COL4A3: variants seen among roughly 807,000 people sequenced by gnomAD.
COL4A3 encodes the protein collagen alpha-3(IV) chain.
A neutral mutation model predicts 217.4 loss-of-function variants in COL4A3; 135 were observed. That is an observed-to-expected ratio of 0.62 (90% CI 0.54 to 0.72). The LOEUF (loss-of-function observed/expected upper bound fraction) is 0.72, where lower values mean the gene tolerates loss of function less well. Among genes scored for constraint, COL4A3 ranks in the 30% least tolerant of loss-of-function variants. COL4A3 has a pLI of 0.00. For missense variants in COL4A3, 1,868 were observed against 2,119.9 expected (o/e 0.88, Z 2.33); for synonymous variants, 690 against 736.3 (o/e 0.94, Z 1.02).
intron 1 of COL4A3, among the ~76,000 whole-genome samples, chr2:227,195,733 G>A (rs1434122485): frequency 6.8e-6 from 1 of 146,684 alleles, no homozygotes; most frequent in South Asian, 2.2e-4. Context: ...CCTCAGGCAG[G>A]TCCTTCAGGA....
chr2:227,285,382 T>C (rs913824831), intron 34 of COL4A3, among the ~76,000 whole-genome samples: 1 of 149,790 alleles, frequency 6.7e-6, no homozygotes, highest in Non-Finnish European at 1.5e-5. Context: ...TCTATGTACA[T>C]AGTCCTCATC....
intron 1 of COL4A3, among the ~76,000 whole-genome samples, chr2:227,174,175 T>C (rs1220787355): frequency 6.6e-6 from 1 of 152,240 alleles, no homozygotes; most frequent in Non-Finnish European, 1.5e-5. Flanking sequence ...AGCATTGTAA[T>C]TTGACAAGCA....
Position 227,253,454 on chromosome 2 carries a change from C to T in COL4A3, c.688-107C>T. ...ATTGATGGGCCTTCATTTGTTCTAT[C>T]TTCCCGTATAAGCACTAAAGGGGAA... On this transcript the variant is annotated intron_variant, in intron 12 of 51. Coordinates refer to ENST00000396578, the MANE Select transcript of COL4A3 (RefSeq NM_000091.5). This position sits in a 1 kb window ranked among gnomAD's most constrained non-coding sequence, Gnocchi z 4.4. The T allele has an allele frequency of 7.1e-7, 1 of 1,411,548 alleles. No homozygotes were observed. The highest frequency in any genetic ancestry group is 1.2e-5 in the South Asian group (1 of 86,844). The allele number at this position is 1,411,548 out of a possible 1,614,324, so 87.4% of individuals were successfully genotyped here.
chr2:227,261,469 C>A (rs2070563280), intron 20 of COL4A3, among the ~76,000 whole-genome samples: 1 of 152,180 alleles, frequency 6.6e-6, no homozygotes, highest in Non-Finnish European at 1.5e-5. Context: ...GGAGGTTGCA[C>A]TGAGCTGAGA....
chr2:227,280,689 C>A, intron 30 of COL4A3, 99 bp downstream of exon 30: 1 of 1,369,276 alleles, frequency 7.3e-7, no homozygotes, highest in Non-Finnish European at 1.0e-6. Flanking sequence ...ATTCTCCCAT[C>A]CAATGTTCCT....
intron 1 of COL4A3, among the ~76,000 whole-genome samples, chr2:227,218,323 G>A (rs563418415): frequency 2.0e-5 from 3 of 151,936 alleles, no homozygotes; most frequent in Admixed American, 1.3e-4. Flanking sequence ...AAAATTAGCC[G>A]GGCGTGGTGG....
At chr2:227,274,230 C>T (rs1421970350) in intron 26 of COL4A3, among the ~76,000 whole-genome samples, 1 of 71,698 alleles carries the variant, frequency 1.4e-5, no homozygotes, top group East Asian at 2.9e-4. Flanking sequence ...GATTGAGATA[C>T]TGTCTCAAAA....
At chr2:227,184,524 T>C (rs1326700079) in intron 1 of COL4A3, among the ~76,000 whole-genome samples, 2 of 152,242 alleles carry the variant, frequency 1.3e-5, no homozygotes, top group East Asian at 1.9e-4. Context: ...TTATATTTTG[T>C]ACCAAGAAAG....
intron 28 of COL4A3, among the ~76,000 whole-genome samples, chr2:227,278,529 C>A (rs2071731611): frequency 6.6e-6 from 1 of 152,150 alleles, no homozygotes; most frequent in South Asian, 2.1e-4. Context: ...ATATTGATTT[C>A]AATTTATGAG....
intron 1 of COL4A3, among the ~76,000 whole-genome samples, chr2:227,214,587 T>G (rs1173234604): frequency 6.6e-6 from 1 of 152,266 alleles, no homozygotes; most frequent in Non-Finnish European, 1.5e-5. Context: ...TTTTTATTCC[T>G]TAGGCCAGAG....
At chr2:227,248,334 A>C (rs2069477689) in intron 8 of COL4A3, 109 bp from the exon 9 acceptor site, 2 of 777,742 alleles carry the variant, frequency 2.6e-6, no homozygotes, top group Non-Finnish European at 4.7e-6. Flanking sequence ...CTGAGTACAT[A>C]ACTTGAAAAG....
At chr2:227,226,111 G>T (rs928581436) in intron 1 of COL4A3, among the ~76,000 whole-genome samples, 1 of 152,150 alleles carries the variant, frequency 6.6e-6, no homozygotes, top group Admixed American at 6.5e-5. Flanking sequence ...CTGTGGTTTG[G>T]GGGGTGGGTG....
At chr2:227,307,571 T>C (rs1045287771) in intron 47 of COL4A3, 139 bp from the exon 48 acceptor site, 3 of 730,774 alleles carry the variant, frequency 4.1e-6, no homozygotes, top group African/African-American at 3.6e-5. Context: ...TGTTTGGCCA[T>C]TTTTATAAGC....
At chr2:227,232,652 T>C (rs1400416032) in intron 1 of COL4A3, among the ~76,000 whole-genome samples, 5 of 152,214 alleles carry the variant, frequency 3.3e-5, no homozygotes, top group African/African-American at 1.2e-4. Flanking sequence ...CATATGCCTG[T>C]TTGCTATCTG....
At chr2:227,297,978 C>T in intron 42 of COL4A3, 119 bp downstream of exon 42, 2 of 1,129,632 alleles carry the variant, frequency 1.8e-6, no homozygotes, top group African/African-American at 1.5e-5. Flanking sequence ...CATCTCCATT[C>T]CCCCACTACC....
chr2:227,291,581 AAAAAAAAAAAAC>A (rs71412115), intron 37 of COL4A3, among the ~76,000 whole-genome samples: 398 of 22,430 alleles, frequency 0.018, 4 homozygotes, highest in Non-Finnish European at 0.032. Flanking sequence ...AAAAAAAAAC[AAAAAAAAAAAAC>A]AAAAAAAAAA....
intron 1 of COL4A3, among the ~76,000 whole-genome samples, chr2:227,213,901 C>CA (rs5839195): frequency 0.49 from 43,905 of 89,088 alleles, 9,754 homozygotes; most frequent in South Asian, 0.58. Flanking sequence ...AACTCTGTCT[C>CA]AAAAAAAAAA....
At chr2:227,212,971 A>G (rs764906588) in intron 1 of COL4A3, among the ~76,000 whole-genome samples, 11 of 152,236 alleles carry the variant, frequency 7.2e-5, no homozygotes, top group Non-Finnish European at 1.0e-4. Flanking sequence ...CCCTTGCACT[A>G]AACATGGCTC....
intron 1 of COL4A3, among the ~76,000 whole-genome samples, chr2:227,203,004 T>C (rs868568413): frequency 2.7e-5 from 2 of 73,084 alleles, no homozygotes; most frequent in Non-Finnish European, 5.0e-5. Flanking sequence ...TATGTGTATA[T>C]ATACATATAT....
Sources: allele counts gnomAD v4.1 joint callset (sites outside exome capture counted in the v4.1 genomes callset), GRCh38; gene constraint gnomAD v4.1.1; non-coding constraint Gnocchi (gnomAD v3.1); transcripts MANE v1.5; gene names NCBI Gene and HGNC (gene_info 2026-07-23, HGNC 2026-07-21).